Variants in CUX2 observed in about 807,000 individuals in gnomAD.
CUX2 encodes the protein cut like homeobox 2.
A neutral mutation model predicts 144.8 loss-of-function variants in CUX2; 40 were observed. The observed-to-expected ratio is 0.28, with a 90% CI of 0.21 to 0.36. The LOEUF is 0.36. Among genes scored for constraint, CUX2 ranks in the 10% least tolerant of loss-of-function variants. The pLI is 1.00. For synonymous variants in CUX2, 827 were observed against 875.6 expected (o/e 0.94, Z 0.98); for missense variants, 1,615 against 1,994.0 (o/e 0.81, Z 3.62).
At chr12:111,158,983 G>A (rs942015534) in intron 1 of CUX2, among the ~76,000 whole-genome samples, 41 of 152,242 alleles carry the variant, frequency 2.7e-4, no homozygotes, top group African/African-American at 9.9e-4. Flanking sequence ...ACAGAGGGGC[G>A]CAGGAAATGG....
At chr12:111,060,837 C>T (rs1331450713) in intron 1 of CUX2, among the ~76,000 whole-genome samples, 1 of 152,192 alleles carries the variant, frequency 6.6e-6, no homozygotes, top group Non-Finnish European at 1.5e-5. Flanking sequence ...ATGGTGGTCA[C>T]CCTCGGGAAG....
intron 9 of CUX2, among the ~76,000 whole-genome samples, chr12:111,300,977 T>C (rs1886261998): frequency 6.7e-6 from 1 of 148,908 alleles, no homozygotes; most frequent in African/African-American, 2.5e-5. Context: ...AGATGGAGGC[T>C]GCAGTGAGCT....
At chr12:111,238,269 G>T (rs1384551673) in intron 3 of CUX2, among the ~76,000 whole-genome samples, 1 of 152,196 alleles carries the variant, frequency 6.6e-6, no homozygotes, top group African/African-American at 2.4e-5. Context: ...AAAGGAAGGA[G>T]GCAGCATTTT....
At position 111,229,222 on chromosome 12, in the gene CUX2, C is replaced by T. The variant is rs1397690032; in HGVS notation, c.222+11285C>T. ...ACAGTTGCACCCAGAAAGGCCCCCA[C>T]TCTTGGCCTAGCTCAGAGGCAGAGG... On this transcript the variant is annotated intron_variant, in intron 3 of 21. Transcript: ENST00000261726. 2.0e-5 allele frequency among the ~76,000 whole-genome samples: 3 copies of T among 152,336 alleles called. 1 individual carries two copies. Among genetic ancestry groups the T allele is most frequent in the South Asian group, 4.1e-4 (2 of 4,826 alleles).
intron 1 of CUX2, among the ~76,000 whole-genome samples, chr12:111,101,698 C>A (rs965892082): frequency 2.0e-5 from 3 of 152,202 alleles, no homozygotes; most frequent in Non-Finnish European, 4.4e-5. Context: ...CTTCTCTGAG[C>A]CTTAGTCTTC....
chr12:111,151,490 G>A (rs775588571), intron 1 of CUX2, among the ~76,000 whole-genome samples: 1 of 152,116 alleles, frequency 6.6e-6, no homozygotes, highest in Non-Finnish European at 1.5e-5. Flanking sequence ...TGCTAATATG[G>A]TATATATCTC....
At chr12:111,215,488 T>C in intron 2 of CUX2, among the ~76,000 whole-genome samples, 1 of 152,134 alleles carries the variant, frequency 6.6e-6, no homozygotes, top group East Asian at 1.9e-4. Flanking sequence ...ATGGAGCAAG[T>C]CTGGAAGGAA....
At chr12:111,258,492 G>A (rs574544586) in intron 3 of CUX2, among the ~76,000 whole-genome samples, 38 of 140,726 alleles carry the variant, frequency 2.7e-4, no homozygotes, top group African/African-American at 1.3e-4. Context: ...CAACCTGGGC[G>A]ACAGAGCAAG....
At chr12:111,175,336 C>G (rs1016936596) in intron 1 of CUX2, among the ~76,000 whole-genome samples, 10 of 118,172 alleles carry the variant, frequency 8.5e-5, no homozygotes, top group Non-Finnish European at 1.4e-4. Context: ...CCTCCCCACC[C>G]ACACCTTTTT....
intron 1 of CUX2, among the ~76,000 whole-genome samples, chr12:111,042,714 C>T (rs1869809939): frequency 6.6e-6 from 1 of 152,110 alleles, no homozygotes; most frequent in African/African-American, 2.4e-5. Flanking sequence ...TCACTGCAGC[C>T]TCAACCTTCT....
chr12:111,112,627 A>G (rs903697664), intron 1 of CUX2, among the ~76,000 whole-genome samples: 1 of 152,116 alleles, frequency 6.6e-6, no homozygotes, highest in Non-Finnish European at 1.5e-5. Flanking sequence ...AGGGCCTGGG[A>G]AGCCCACAGC....
intron 1 of CUX2, among the ~76,000 whole-genome samples, chr12:111,052,066 TCG>T (rs1026635805): frequency 1.3e-4 from 20 of 152,148 alleles, no homozygotes; most frequent in Non-Finnish European, 2.5e-4. Flanking sequence ...TTCCCTATGC[TCG>T]CCATGTTCCA....
At chr12:111,043,462 T>C (rs1429873949) in intron 1 of CUX2, among the ~76,000 whole-genome samples, 1 of 152,122 alleles carries the variant, frequency 6.6e-6, no homozygotes, top group Non-Finnish European at 1.5e-5. Context: ...ACTGGGCCTG[T>C]CTCATTCTCA....
At chr12:111,214,743 C>T (rs148268209) in intron 2 of CUX2, among the ~76,000 whole-genome samples, 2 of 152,292 alleles carry the variant, frequency 1.3e-5, no homozygotes, top group South Asian at 4.2e-4. Flanking sequence ...CCTCTCACCC[C>T]CTTTACGTTC....
At chr12:111,324,112 A>T (rs937757351) in intron 18 of CUX2, among the ~76,000 whole-genome samples, 1 of 152,066 alleles carries the variant, frequency 6.6e-6, no homozygotes, top group Admixed American at 6.6e-5. Flanking sequence ...GCACTTTGGG[A>T]GGCCAAGGCG....
intron 1 of CUX2, among the ~76,000 whole-genome samples, chr12:111,161,587 A>G (rs1877769026): frequency 6.6e-6 from 1 of 152,184 alleles, no homozygotes; most frequent in African/African-American, 2.4e-5. Context: ...AATTACTCTC[A>G]TTGTACAGAT....
At chr12:111,074,505 G>T (rs540942319) in intron 1 of CUX2, among the ~76,000 whole-genome samples, 1 of 152,048 alleles carries the variant, frequency 6.6e-6, no homozygotes, top group African/African-American at 2.4e-5. Context: ...GAAGATAGAG[G>T]CTTGTCTTTG....
chr12:111,278,393 C>T (rs1884977909), intron 4 of CUX2, among the ~76,000 whole-genome samples: 1 of 152,162 alleles, frequency 6.6e-6, no homozygotes, highest in Admixed American at 6.5e-5. Context: ...TGCACTGTGG[C>T]CTGGGCGACA....
intron 3 of CUX2, among the ~76,000 whole-genome samples, chr12:111,259,031 CTGTG>C (rs57814010): frequency 0.042 from 5,556 of 132,210 alleles, 247 homozygotes; most frequent in East Asian, 0.2. Flanking sequence ...CCACACCCAG[CTGTG>C]TGTGTGTGTG....
Sources: allele counts gnomAD v4.1 joint callset (sites outside exome capture counted in the v4.1 genomes callset), GRCh38; gene constraint gnomAD v4.1.1; transcripts MANE v1.5; gene names NCBI Gene and HGNC (gene_info 2026-07-23, HGNC 2026-07-21).